Variants in MGLL observed in about 807,000 individuals in gnomAD.
MGLL encodes the protein lysophospholipase homolog.
A neutral mutation model predicts 29.1 loss-of-function variants in MGLL; 7 were observed. That is an observed-to-expected ratio of 0.24 (90% CI 0.14 to 0.45). The LOEUF (loss-of-function observed/expected upper bound fraction) is 0.45, where lower values mean the gene tolerates loss of function less well. Ranked by LOEUF, MGLL falls within the 20% of genes least tolerant of loss-of-function variation. The pLI is 0.99. For missense variants in MGLL, 356 were observed against 413.6 expected (o/e 0.86, Z 1.21); for synonymous variants, 148 against 168.3 (o/e 0.88, Z 0.93).
intron 5 of MGLL, among the ~76,000 whole-genome samples, chr3:127,720,625 C>T (rs1204271639): frequency 2.6e-5 from 4 of 152,176 alleles, no homozygotes; most frequent in South Asian, 2.1e-4. Context: ...GGCGGAGGAG[C>T]GCGGCAGTGG....
chr3:127,776,647 C>T (rs150846645), intron 3 of MGLL, among the ~76,000 whole-genome samples: 1 of 152,348 alleles, frequency 6.6e-6, no homozygotes, highest in East Asian at 1.9e-4. Flanking sequence ...ACGGGCTCTC[C>T]ACCTGCTTGG....
At chr3:127,729,867 G>A (rs1315325257) in intron 3 of MGLL, among the ~76,000 whole-genome samples, 3 of 152,196 alleles carry the variant, frequency 2.0e-5, no homozygotes, top group African/African-American at 7.2e-5. Context: ...TCACTCCCAT[G>A]CTTTGACTCT....
intron 3 of MGLL, among the ~76,000 whole-genome samples, chr3:127,748,724 C>T (rs1422205812): frequency 6.6e-6 from 1 of 152,068 alleles, no homozygotes; most frequent in African/African-American, 2.4e-5. Context: ...GCCTCCAGAA[C>T]TGTGAGAAAA....
At chr3:127,728,461 A>G (rs996826116) in intron 3 of MGLL, among the ~76,000 whole-genome samples, 1 of 152,118 alleles carries the variant, frequency 6.6e-6, no homozygotes. Context: ...CTCTAGAAAC[A>G]GTCTTGTCTA....
chr3:127,777,654 A>G (rs1157306715), intron 3 of MGLL, among the ~76,000 whole-genome samples: 5 of 129,030 alleles, frequency 3.9e-5, no homozygotes, highest in African/African-American at 1.1e-4. Flanking sequence ...CAAACTACAG[A>G]TGGAACCCTG....
chr3:127,782,903 G>C (rs1437818749), intron 2 of MGLL, among the ~76,000 whole-genome samples: 1 of 152,078 alleles, frequency 6.6e-6, no homozygotes, highest in Non-Finnish European at 1.5e-5. Flanking sequence ...AGTTAAGTGA[G>C]TTGGGCCAGG....
intron 3 of MGLL, among the ~76,000 whole-genome samples, chr3:127,731,592 C>T (rs1031645980): frequency 2.0e-5 from 3 of 152,122 alleles, no homozygotes; most frequent in East Asian, 3.9e-4. Context: ...CACCTCAGGG[C>T]CAGGCAACAG....
At chr3:127,769,714 G>A (rs2076917955) in intron 3 of MGLL, among the ~76,000 whole-genome samples, 1 of 152,218 alleles carries the variant, frequency 6.6e-6, no homozygotes, top group African/African-American at 2.4e-5. Flanking sequence ...ATGTCTGTTT[G>A]GTTCAGCATT....
At chr3:127,787,354 T>G (rs1312666430) in intron 2 of MGLL, among the ~76,000 whole-genome samples, 1 of 152,154 alleles carries the variant, frequency 6.6e-6, no homozygotes, top group African/African-American at 2.4e-5. Flanking sequence ...AGAGTGGAGA[T>G]GACAGTGCCT....
At chr3:127,696,783 G>A (rs954049117) in intron 6 of MGLL, among the ~76,000 whole-genome samples, 9 of 152,048 alleles carry the variant, frequency 5.9e-5, no homozygotes, top group Non-Finnish European at 1.3e-4. Context: ...GAGGGGCCAC[G>A]TGGTGAGGAC....
In MGLL at chr3:127,689,352, A is replaced by G. The variant is rs542666321; in HGVS notation, c.*2846T>C. On this transcript the variant is annotated 3_prime_UTR_variant, in exon 8 of 8. Coordinates refer to ENST00000265052, the MANE Select transcript of MGLL (RefSeq NM_007283.7). ...CCAGTGCTCCCTCGGTGAGCCCAGC[A>G]CCACCTGGAAGTGGAGGGAAGCTGG... is the stretch of plus-strand genomic sequence containing the variant. The G allele has an allele frequency of 1.3e-5, 2 of 152,188 alleles. No individual in the cohort carries two copies. Among genetic ancestry groups the G allele is most frequent in the Non-Finnish European group, 2.9e-5 (2 of 68,062 alleles). The allele number at this position is 152,188 out of a possible 1,614,324, so 9.4% of individuals were successfully genotyped here.
chr3:127,762,665 G>A (rs664095), intron 3 of MGLL, among the ~76,000 whole-genome samples: 1 of 152,088 alleles, frequency 6.6e-6, no homozygotes, highest in Non-Finnish European at 1.5e-5. Flanking sequence ...CAGAGGCTTC[G>A]TTGCAGGTTC....
chr3:127,748,406 G>A (rs1245575262), intron 3 of MGLL, among the ~76,000 whole-genome samples: 1 of 147,260 alleles, frequency 6.8e-6, no homozygotes, highest in Non-Finnish European at 1.5e-5. Context: ...GAGAGAGAGA[G>A]AAAGAGAGAG....
At chr3:127,776,645 T>C (rs966508744) in intron 3 of MGLL, among the ~76,000 whole-genome samples, 3 of 152,206 alleles carry the variant, frequency 2.0e-5, no homozygotes, top group Non-Finnish European at 4.4e-5. Flanking sequence ...TTACGGGCTC[T>C]CCACCTGCTT....
intron 3 of MGLL, among the ~76,000 whole-genome samples, chr3:127,767,692 G>A (rs549899835): frequency 1.6e-4 from 24 of 152,192 alleles, no homozygotes; most frequent in African/African-American, 3.6e-4. Flanking sequence ...CTCTAGAAAC[G>A]GAACAGCAAT....
chr3:127,736,711 T>C (rs2076248282), intron 3 of MGLL, among the ~76,000 whole-genome samples: 1 of 152,250 alleles, frequency 6.6e-6, no homozygotes. Context: ...TTTTTATTTT[T>C]TGAGACAGGG....
In MGLL at chr3:127,785,109, G is replaced by A. The variant is rs148512849; in HGVS notation, c.156-3214C>T. ...GGTGGAGCCTCCTGGAAGCCCGCCT[G>A]TGCTGTGCTTACTGGCACCAGGGTT... is the stretch of plus-strand genomic sequence containing the variant. On this transcript the variant is annotated intron_variant, in intron 2 of 7. Transcript: ENST00000265052. Among the ~76,000 whole-genome samples the A allele has an allele frequency of 4.6e-3, 700 of 152,254 alleles. 2 individuals are homozygous for A. The highest frequency in any genetic ancestry group is 0.015 in the African/African-American group (636 of 41,534).
chr3:127,757,563 G>C (rs2076686086), intron 3 of MGLL, among the ~76,000 whole-genome samples: 1 of 152,144 alleles, frequency 6.6e-6, no homozygotes, highest in Non-Finnish European at 1.5e-5. Context: ...AGAACACTGA[G>C]ATTAGCTAGA....
intron 2 of MGLL, among the ~76,000 whole-genome samples, chr3:127,789,654 C>T (rs550278425): frequency 3.3e-5 from 5 of 151,760 alleles, no homozygotes; most frequent in East Asian, 3.9e-4. Flanking sequence ...GTCATGATCA[C>T]GCCACTGCAC....
Sources: gnomAD v4.1 joint callset for allele counts (sites outside exome capture counted in the v4.1 genomes callset) on GRCh38, gnomAD v4.1.1 for gene constraint, MANE v1.5 for transcripts, NCBI Gene and HGNC (gene_info 2026-07-23, HGNC 2026-07-21) for gene names.